Variants in SPAG16 observed in about 807,000 individuals in gnomAD.
SPAG16 encodes the protein sperm associated antigen 16.
In SPAG16, 86 loss-of-function variants were observed where a neutral mutation model predicts 80.4. The observed-to-expected ratio is 1.07, with a 90% CI of 0.90 to 1.28. SPAG16 has a LOEUF of 1.28. SPAG16 is among the 50% of genes most tolerant of loss of function. SPAG16 has a pLI of 0.00. For missense variants in SPAG16, 870 were observed against 765.3 expected (o/e 1.14, Z -1.61); for synonymous variants, 294 against 265.9 (o/e 1.11, Z -1.03).
chr2:213,623,471 T>C (rs2061855746), intron 10 of SPAG16, among the ~76,000 whole-genome samples: 1 of 152,178 alleles, frequency 6.6e-6, no homozygotes, highest in African/African-American at 2.4e-5. Flanking sequence ...ATTTTCTTTT[T>C]AGTATTCCAT....
intron 9 of SPAG16, among the ~76,000 whole-genome samples, chr2:213,434,696 G>A (rs2070519295): frequency 2.0e-5 from 3 of 152,134 alleles, no homozygotes; most frequent in Admixed American, 2.0e-4. Flanking sequence ...AACAAGCATA[G>A]AAAAGATGCT....
chr2:213,325,559 T>C (rs190469053), intron 5 of SPAG16, among the ~76,000 whole-genome samples: 30 of 151,988 alleles, frequency 2.0e-4, no homozygotes, highest in Admixed American at 2.6e-4. Flanking sequence ...CAGACACGGG[T>C]GATGTAGGTG....
intron 10 of SPAG16, among the ~76,000 whole-genome samples, chr2:213,771,919 C>T (rs536974966): frequency 1.3e-5 from 2 of 152,076 alleles, no homozygotes; most frequent in Non-Finnish European, 2.9e-5. Context: ...TTAGGATTAT[C>T]TTGGATATAC....
chr2:213,861,479 GT>G (rs2075458333), intron 10 of SPAG16, among the ~76,000 whole-genome samples: 1 of 152,120 alleles, frequency 6.6e-6, no homozygotes, highest in South Asian at 2.1e-4. Flanking sequence ...TGTGATCGCT[GT>G]TTTTTAAATC....
chr2:214,281,596 T>G (rs1458846124), intron 15 of SPAG16: 4 of 152,202 alleles, frequency 2.6e-5, no homozygotes, highest in Admixed American at 2.6e-4. Context: ...CTGGTGGGAA[T>G]GTAAAATGGC....
chr2:213,833,576 TAA>T lies in SPAG16; in HGVS notation c.1071-28908_1071-28907del, dbSNP rs1491547473. ...ATATATAATATATATAATATATATA[TAA>T]TATATATATTATATATATATAAAAT... On this transcript the variant is annotated intron_variant, in intron 10 of 15. Coordinates refer to ENST00000331683, the MANE Select transcript of SPAG16 (RefSeq NM_024532.5). 4.5e-4 allele frequency among the ~76,000 whole-genome samples: 9 copies of T among 20,018 alleles called. 1 individual carries two copies. Among genetic ancestry groups the T allele is most frequent in the Admixed American group, 2.1e-3 (2 of 942 alleles). The allele number at this position is 20,018 out of a possible 152,430, so 13.1% of individuals were successfully genotyped here.
intron 15 of SPAG16, among the ~76,000 whole-genome samples, chr2:214,367,801 C>T (rs1699572126): frequency 1.3e-5 from 2 of 152,158 alleles, no homozygotes; most frequent in South Asian, 4.1e-4. Flanking sequence ...TATCACCCAG[C>T]TCCACTTTTT....
At chr2:214,064,216 AT>A (rs749061741) in intron 13 of SPAG16, among the ~76,000 whole-genome samples, 4 of 152,180 alleles carry the variant, frequency 2.6e-5, no homozygotes, top group Non-Finnish European at 5.9e-5. Context: ...AGTTGCTATA[AT>A]TAATTGCGTC....
At chr2:213,552,624 A>G (rs1242936956) in intron 10 of SPAG16, among the ~76,000 whole-genome samples, 1 of 152,204 alleles carries the variant, frequency 6.6e-6, no homozygotes, top group Non-Finnish European at 1.5e-5. Context: ...ATAGTGGAGT[A>G]GGATTGTGAT....
chr2:213,450,586 TTGAA>T (rs1365316201), intron 9 of SPAG16, among the ~76,000 whole-genome samples: 2 of 152,204 alleles, frequency 1.3e-5, no homozygotes, highest in East Asian at 3.8e-4. Context: ...TTTACACTAA[TTGAA>T]TGTGCATTAT....
chr2:213,863,987 A>C (rs1223303027), intron 11 of SPAG16, among the ~76,000 whole-genome samples: 1 of 152,122 alleles, frequency 6.6e-6, no homozygotes, highest in Admixed American at 6.6e-5. Context: ...ATATAAGGGG[A>C]GAAAATAAAT....
intron 15 of SPAG16, among the ~76,000 whole-genome samples, chr2:214,385,652 T>A (rs1700707169): frequency 1.3e-5 from 2 of 152,204 alleles, no homozygotes; most frequent in Admixed American, 6.5e-5. Context: ...AAGACCAGCC[T>A]GGCCCACATG....
chr2:214,268,534 A>G (rs930139174), intron 15 of SPAG16, among the ~76,000 whole-genome samples: 8 of 151,966 alleles, frequency 5.3e-5, no homozygotes, highest in Admixed American at 4.6e-4. Flanking sequence ...TCTTAAGTGA[A>G]ATATCTAATG....
intron 15 of SPAG16, among the ~76,000 whole-genome samples, chr2:214,204,316 T>A (rs2058087107): frequency 6.6e-6 from 1 of 152,204 alleles, no homozygotes; most frequent in African/African-American, 2.4e-5. Flanking sequence ...ATCCTCCCTA[T>A]ACTACTGCAG....
chr2:213,881,335 G>A (rs2076336216), intron 11 of SPAG16, among the ~76,000 whole-genome samples: 1 of 152,114 alleles, frequency 6.6e-6, no homozygotes, highest in African/African-American at 2.4e-5. Context: ...CCTTACTAAA[G>A]TTGTTTTATC....
At chr2:214,063,884 C>G (rs1212898673) in intron 13 of SPAG16, among the ~76,000 whole-genome samples, 1 of 152,112 alleles carries the variant, frequency 6.6e-6, no homozygotes, top group Non-Finnish European at 1.5e-5. Flanking sequence ...GTAAACTCTC[C>G]TATGAGGGCA....
chr2:214,153,775 AT>A (rs1698005170), intron 15 of SPAG16, among the ~76,000 whole-genome samples: 1 of 152,200 alleles, frequency 6.6e-6, no homozygotes, highest in Non-Finnish European at 1.5e-5. Flanking sequence ...GTAATGCGAT[AT>A]ATACATATAT....
At chr2:213,703,143 T>C (rs1463935223) in intron 10 of SPAG16, among the ~76,000 whole-genome samples, 1 of 152,154 alleles carries the variant, frequency 6.6e-6, no homozygotes, top group Non-Finnish European at 1.5e-5. Context: ...TTCCAAAAGA[T>C]GACATGACAG....
intron 10 of SPAG16, among the ~76,000 whole-genome samples, chr2:213,637,385 A>G (rs2062405995): frequency 6.6e-6 from 1 of 152,092 alleles, no homozygotes; most frequent in Non-Finnish European, 1.5e-5. Flanking sequence ...TATCAGGCAT[A>G]TTGGTCTGTA....
Sources: allele counts gnomAD v4.1 joint callset (sites outside exome capture counted in the v4.1 genomes callset), GRCh38; gene constraint gnomAD v4.1.1; transcripts MANE v1.5; gene names NCBI Gene and HGNC (gene_info 2026-07-23, HGNC 2026-07-21).